Variants in DNAJC8 observed in about 807,000 individuals in gnomAD.
DNAJC8 encodes dnaJ homolog subfamily C member 8.
DNAJC8 carries 24 observed loss-of-function variants against 43.2 expected under a neutral mutation model. The observed-to-expected ratio is 0.56, with a 90% CI of 0.40 to 0.78. The LOEUF is 0.78. Among genes scored for constraint, DNAJC8 ranks in the 30% least tolerant of loss-of-function variants. The pLI is 0.00. For missense variants in DNAJC8, 207 were observed against 299.4 expected, an observed-to-expected ratio of 0.69 and a Z score of 2.28; for synonymous variants, 83 against 98.0, an observed-to-expected ratio of 0.85 and a Z score of 0.90.
chr1:28,221,056 C>T lies in DNAJC8; in HGVS notation c.181-6060G>A, dbSNP rs181798236. ...GGATCTTCTGCTTGAAAAAGGAATC[C>T]AGGCTGGGCGCGGTGGCTCACGCCT... is the stretch of plus-strand genomic sequence containing the variant. On this transcript the variant is annotated intron_variant, in intron 2 of 8. Transcript: ENST00000263697. Among the ~76,000 whole-genome samples, 314 of 151,618 alleles carry T rather than the reference C, an allele frequency of 2.1e-3. 1 individual carries two copies. The highest frequency in any genetic ancestry group is 3.4e-3 in the Non-Finnish European group (230 of 67,888).
At chr1:28,209,635 C>T (rs1219519922) in intron 5 of DNAJC8, among the ~76,000 whole-genome samples, 1 of 152,176 alleles carries the variant, frequency 6.6e-6, no homozygotes, top group African/African-American at 2.4e-5. Context: ...AATCAAGAGT[C>T]AAGAGTCACA....
intron 8 of DNAJC8, among the ~76,000 whole-genome samples, chr1:28,202,273 T>G (rs544438209): frequency 5.1e-4 from 78 of 152,198 alleles, no homozygotes; most frequent in South Asian, 2.9e-3. Flanking sequence ...TGGTTTTTTT[T>G]GTTGTCATTG....
In DNAJC8 at chr1:28,208,687, T is replaced by C. The variant is rs564418531; in HGVS notation, c.400-274A>G. ...GGACCAACGGGAGGTTGTCCCCAACTCATCAGATCCAAAAAGTCTTTGAAA... is the reference window on the plus strand; with the variant it reads ...GGACCAACGGGAGGTTGTCCCCAACCCATCAGATCCAAAAAGTCTTTGAAA... On this transcript the variant is annotated intron_variant, in intron 5 of 8. Coordinates refer to ENST00000263697, the MANE Select transcript of DNAJC8 (RefSeq NM_014280.3). 1,141 of 241,496 alleles carry C rather than the reference T, an allele frequency of 4.7e-3. 2 individuals are homozygous for C. The highest frequency in any genetic ancestry group is 0.028 in the Middle Eastern group (22 of 776). 15.0% of individuals were successfully genotyped at this position (241,496 alleles called of 1,614,324 possible).
At chr1:28,203,904 G>T in intron 7 of DNAJC8, 82 bp from the exon 8 acceptor site, 1 of 1,343,900 alleles carries the variant, frequency 7.4e-7, no homozygotes, top group Non-Finnish European at 1.1e-6. Flanking sequence ...CCCCACAGAA[G>T]CAAGCATATA....
intron 6 of DNAJC8, among the ~76,000 whole-genome samples, chr1:28,206,580 CCT>C (rs1485266083): frequency 9.2e-5 from 14 of 152,242 alleles, no homozygotes; most frequent in African/African-American, 3.1e-4. Context: ...TGACCCAGCC[CCT>C]GTCACACTAA....
intron 2 of DNAJC8, among the ~76,000 whole-genome samples, chr1:28,219,344 T>C (rs1315977238): frequency 2.0e-5 from 3 of 152,002 alleles, no homozygotes; most frequent in Non-Finnish European, 2.9e-5. Context: ...TCATCTCTAC[T>C]AAAAATACAA....
At chr1:28,226,760 C>T (rs1323383637) in intron 2 of DNAJC8, among the ~76,000 whole-genome samples, 2 of 151,208 alleles carry the variant, frequency 1.3e-5, no homozygotes, top group Admixed American at 6.6e-5. Flanking sequence ...CACAAATCTA[C>T]ATTTTTGAGT....
chr1:28,209,905 C>T, intron 5 of DNAJC8, 67 bp downstream of exon 5: 1 of 1,393,180 alleles, frequency 7.2e-7, no homozygotes, highest in Non-Finnish European at 1.0e-6. Context: ...TTCATATGTA[C>T]CCTTCTACAA....
intron 3 of DNAJC8, among the ~76,000 whole-genome samples, chr1:28,212,125 C>T (rs1234384516): frequency 7.3e-6 from 1 of 137,368 alleles, no homozygotes; most frequent in Non-Finnish European, 1.5e-5. Flanking sequence ...CACTGTACTG[C>T]AACCTGGGTG....
chr1:28,207,274 AG>A (rs1389507956), intron 6 of DNAJC8, among the ~76,000 whole-genome samples: 1 of 151,990 alleles, frequency 6.6e-6, no homozygotes, highest in African/African-American at 2.4e-5. Flanking sequence ...GCTACTCAGG[AG>A]GCTAAGGCAG....
At chr1:28,213,096 C>T (rs1004114015) in intron 3 of DNAJC8, among the ~76,000 whole-genome samples, 1 of 152,106 alleles carries the variant, frequency 6.6e-6, no homozygotes, top group African/African-American at 2.4e-5. Flanking sequence ...ATTTTACAAA[C>T]GGGGTAACAG....
At chr1:28,229,097 C>G in intron 1 of DNAJC8, 74 bp from the exon 2 acceptor site, 2 of 1,223,392 alleles carry the variant, frequency 1.6e-6, no homozygotes, top group Non-Finnish European at 2.4e-6. Flanking sequence ...AAAATGTTCA[C>G]TGATATGTTC....
intron 3 of DNAJC8, among the ~76,000 whole-genome samples, chr1:28,213,167 A>G (rs2149017796): frequency 6.6e-6 from 1 of 152,324 alleles, no homozygotes; most frequent in South Asian, 2.1e-4. Context: ...GGTACAGTCA[A>G]GATTTAAACT....
At chr1:28,202,759 T>G (rs1317228504) in intron 8 of DNAJC8, among the ~76,000 whole-genome samples, 1 of 145,964 alleles carries the variant, frequency 6.9e-6, no homozygotes, top group African/African-American at 2.5e-5. Context: ...TTTTTGTATT[T>G]TTTTAGTAGA....
intron 8 of DNAJC8, 146 bp downstream of exon 8, chr1:28,203,601 G>A: frequency 1.3e-6 from 1 of 763,278 alleles, no homozygotes; most frequent in Non-Finnish European, 2.3e-6. Context: ...AGGAGGCTGA[G>A]GCAGGCCCAG....
intron 8 of DNAJC8, among the ~76,000 whole-genome samples, chr1:28,201,789 C>CAAAAAAAAAAAAAAA (rs113275288): frequency 9.0e-6 from 1 of 111,390 alleles, no homozygotes. Flanking sequence ...GACTTTGTAT[C>CAAAAAAAAAAAAAAA]AAAAAAAAAA....
chr1:28,219,907 A>C (rs1230135720), intron 2 of DNAJC8, among the ~76,000 whole-genome samples: 1 of 151,968 alleles, frequency 6.6e-6, no homozygotes, highest in East Asian at 1.9e-4. Context: ...AAACTCCTGA[A>C]CTCAGGCAAT....
chr1:28,202,577 C>G (rs1339586015), intron 8 of DNAJC8, among the ~76,000 whole-genome samples: 1 of 136,136 alleles, frequency 7.3e-6, no homozygotes, highest in East Asian at 2.1e-4. Context: ...CCTCACCCGG[C>G]CTTTTTTTTT....
Position 28,200,721 on chromosome 1 carries a change from C to T in DNAJC8, c.*527G>A, listed in dbSNP as rs1225071504. On this transcript the variant is annotated 3_prime_UTR_variant, in exon 9 of 9. Coordinates refer to ENST00000263697, the MANE Select transcript of DNAJC8 (RefSeq NM_014280.3). ...TTGGTCAGTAGACAGGGGGCACATG[C>T]CAAACACCACAGGGCATCAGATGCT... 1 of 453,966 alleles carries T rather than the reference C, an allele frequency of 2.2e-6. No homozygotes were observed. Among genetic ancestry groups the T allele is most frequent in the Admixed American group, 2.4e-5 (1 of 42,498 alleles). The allele number at this position is 453,966 out of a possible 1,614,324, so 28.1% of individuals were successfully genotyped here.
Sources: gnomAD v4.1 joint callset for allele counts (sites outside exome capture counted in the v4.1 genomes callset) on GRCh38, gnomAD v4.1.1 for gene constraint, MANE v1.5 for transcripts, NCBI Gene and HGNC (gene_info 2026-07-23, HGNC 2026-07-21) for gene names.